Variants in RPIA observed in about 807,000 individuals in gnomAD.
RPIA encodes the protein ribose-5-phosphate isomerase.
A neutral mutation model predicts 37.8 loss-of-function variants in RPIA; 29 were observed. The observed-to-expected ratio is 0.77, with a 90% CI of 0.57 to 1.05. The LOEUF is 1.05. Ranked by LOEUF, RPIA falls within the 50% of genes least tolerant of loss-of-function variation. RPIA has a pLI of 0.00. For synonymous variants in RPIA, 167 were observed against 157.0 expected (o/e 1.06, Z -0.48); for missense variants, 385 against 413.6 (o/e 0.93, Z 0.60).
In RPIA at chr2:88,700,999, A is replaced by C. The variant is rs1229805202; in HGVS notation, c.402+935A>C. On this transcript the variant is annotated intron_variant, in intron 3 of 8. Coordinates refer to ENST00000283646, the MANE Select transcript of RPIA (RefSeq NM_144563.3). Reference sequence around the variant, plus strand: ...GCTGGGTTTCTTAGGAAACCCTCCCAATCCTGGAGACACAGGATGCTGGCA... The same window carrying C: ...GCTGGGTTTCTTAGGAAACCCTCCCCATCCTGGAGACACAGGATGCTGGCA... 2.6e-5 allele frequency among the ~76,000 whole-genome samples: 4 copies of C among 152,268 alleles called. No individual in the cohort carries two copies. In the East Asian group the frequency reaches 7.7e-4, roughly 29 times the overall value.
intron 1 of RPIA, among the ~76,000 whole-genome samples, chr2:88,696,906 A>G (rs1672755122): frequency 6.6e-6 from 1 of 152,186 alleles, no homozygotes; most frequent in Non-Finnish European, 1.5e-5. Flanking sequence ...ACTTCTTAAT[A>G]TTGTTATAAT....
chr2:88,693,018 A>G (rs1676963840), intron 1 of RPIA, among the ~76,000 whole-genome samples: 1 of 152,224 alleles, frequency 6.6e-6, no homozygotes, highest in Admixed American at 6.5e-5. Flanking sequence ...TGTAAGTCTG[A>G]TTGGCAATAG....
chr2:88,698,530 C>G lies in RPIA; in HGVS notation c.332C>G (p.Ala111Gly), dbSNP rs1317908469. 1 of 1,614,016 alleles carries G rather than the reference C, an allele frequency of 6.2e-7. No individual in the cohort carries two copies. The highest frequency in any genetic ancestry group is 8.5e-7 in the Non-Finnish European group (1 of 1,179,882). ...GGAAGTGGTTCTACAATTGTCCATG[C>G]TGTGCAGCGAATAGGTATGCTCTCT... ...GIGSGSTIVH[A>G]VQRIAERVKQ... The change falls in exon 2 of 9, where the codon GCT becomes GGT. Residue 111 changes from alanine to glycine, a missense_variant. This residue lies in a region of RPIA where 232 missense variants were observed against 203.0 expected (regional missense o/e 1.14). Transcript: ENST00000283646.
chr2:88,726,466 G>T (rs1193170937), intron 3 of RPIA, among the ~76,000 whole-genome samples: 2 of 152,014 alleles, frequency 1.3e-5, no homozygotes, highest in Admixed American at 6.6e-5. Context: ...AAACCAAAAG[G>T]CTGGACACCC....
At chr2:88,721,329 C>T (rs978685060) in intron 3 of RPIA, among the ~76,000 whole-genome samples, 10 of 151,018 alleles carry the variant, frequency 6.6e-5, no homozygotes, top group Middle Eastern at 3.4e-3. Context: ...CAAAACTGCA[C>T]GTTCTGCACA....
intron 3 of RPIA, among the ~76,000 whole-genome samples, chr2:88,702,857 T>G (rs376997796): frequency 2.6e-5 from 4 of 152,214 alleles, no homozygotes; most frequent in African/African-American, 7.2e-5. Context: ...GCAAGTCACT[T>G]CAGCTTGTAA....
chr2:88,733,695 G>C (rs1309972364), intron 4 of RPIA, among the ~76,000 whole-genome samples: 2 of 152,168 alleles, frequency 1.3e-5, no homozygotes, highest in East Asian at 3.9e-4. Flanking sequence ...TTTTATACCT[G>C]TGCCATGCCA....
chr2:88,740,587 G>C (rs1673371070), intron 8 of RPIA, among the ~76,000 whole-genome samples: 2 of 152,150 alleles, frequency 1.3e-5, no homozygotes, highest in Non-Finnish European at 2.9e-5. Flanking sequence ...TTGATGTTTT[G>C]TTGTGTTCCA....
intron 3 of RPIA, among the ~76,000 whole-genome samples, chr2:88,703,287 A>G (rs1672855806): frequency 6.6e-6 from 1 of 151,944 alleles, no homozygotes. Context: ...CCCAGTAGAG[A>G]CTCTGTGCAG....
chr2:88,709,249 G>A (rs1372713684), intron 3 of RPIA, among the ~76,000 whole-genome samples: 2 of 152,194 alleles, frequency 1.3e-5, no homozygotes, highest in Non-Finnish European at 2.9e-5. Flanking sequence ...TTGCTTCGAC[G>A]ATATTTTCCT....
intron 1 of RPIA, among the ~76,000 whole-genome samples, chr2:88,697,320 T>C (rs56055311): frequency 0.04 from 6,038 of 152,322 alleles, 401 homozygotes; most frequent in African/African-American, 0.14. Flanking sequence ...TAAGTGATTG[T>C]TGTGAGATTT....
chr2:88,723,137 A>T (rs781654124), intron 3 of RPIA, among the ~76,000 whole-genome samples: 2 of 152,232 alleles, frequency 1.3e-5, no homozygotes, highest in African/African-American at 2.4e-5. Flanking sequence ...TGGGAGAAAG[A>T]CTGCAAAAAA....
intron 8 of RPIA, among the ~76,000 whole-genome samples, chr2:88,742,399 T>C (rs566331821): frequency 6.6e-6 from 1 of 152,354 alleles, no homozygotes; most frequent in African/African-American, 2.4e-5. Flanking sequence ...TTCTATTCCA[T>C]TGGTCTATAT....
chr2:88,728,606 A>AAGAG (rs1673226879), intron 3 of RPIA, among the ~76,000 whole-genome samples: 1 of 152,222 alleles, frequency 6.6e-6, no homozygotes, highest in Non-Finnish European at 1.5e-5. Flanking sequence ...TATTCCAGCT[A>AAGAG]CGAATCCTGC....
At chr2:88,705,383 G>C (rs927330393) in intron 3 of RPIA, among the ~76,000 whole-genome samples, 8 of 152,164 alleles carry the variant, frequency 5.3e-5, no homozygotes, top group Admixed American at 2.6e-4. Context: ...CAATGGAACA[G>C]AGTAGAGATC....
At chr2:88,733,258 C>T (rs867853054) in intron 4 of RPIA, among the ~76,000 whole-genome samples, 1 of 152,036 alleles carries the variant, frequency 6.6e-6, no homozygotes, top group African/African-American at 2.4e-5. Context: ...GAGTGTACTG[C>T]GTTGGTGCAT....
rs1672907955 is a variant in RPIA, at chr2:88,707,179, T to G, written c.402+7115T>G. 2.0e-5 allele frequency among the ~76,000 whole-genome samples: 3 copies of G among 152,342 alleles called. No homozygotes were observed. The South Asian group carries it at 6.2e-4, about 32-fold the overall frequency. On this transcript the variant is annotated intron_variant, in intron 3 of 8. Transcript: ENST00000283646. ...CATGGCTCCTTGTTAGTTGAGTAGTTGATTTACCTTCTTAACAATAGTGTC... is the reference window on the plus strand; with the variant it reads ...CATGGCTCCTTGTTAGTTGAGTAGTGGATTTACCTTCTTAACAATAGTGTC...
chr2:88,736,705 G>T, intron 7 of RPIA, 29 bp downstream of exon 7: 1 of 1,598,748 alleles, frequency 6.3e-7, no homozygotes, highest in East Asian at 2.2e-5. Flanking sequence ...CCGGGGGTGT[G>T]CTGGGTGCAC....
At chr2:88,697,057 T>C (rs1349024899) in intron 1 of RPIA, among the ~76,000 whole-genome samples, 1 of 152,250 alleles carries the variant, frequency 6.6e-6, no homozygotes, top group Non-Finnish European at 1.5e-5. Context: ...AGAACACTAT[T>C]AATTTGCATT....
Sources: allele counts gnomAD v4.1 joint callset (sites outside exome capture counted in the v4.1 genomes callset), GRCh38; gene constraint gnomAD v4.1.1; regional missense constraint gnomAD v4.1.1; transcripts MANE v1.5; gene names NCBI Gene and HGNC (gene_info 2026-07-23, HGNC 2026-07-21).